The following GPC5 variants were observed in gnomAD, a reference collection of about 807,000 sequenced individuals.
GPC5 encodes glypican-5.
In GPC5, 47 loss-of-function variants were observed where a neutral mutation model predicts 53.9. The ratio of observed to expected loss-of-function variants is 0.87; its 90% confidence interval spans 0.69 to 1.11. GPC5 has a LOEUF of 1.11. GPC5 is among the 50% of genes most tolerant of loss of function. GPC5 has a pLI of 0.00. For missense variants in GPC5, 748 were observed against 713.1 expected (o/e 1.05, Z -0.56); for synonymous variants, 286 against 263.3 (o/e 1.09, Z -0.84).
chr13:91,485,383 T>G (rs1218465055), intron 2 of GPC5, among the ~76,000 whole-genome samples: 1 of 152,084 alleles, frequency 6.6e-6, no homozygotes, highest in African/African-American at 2.4e-5. Flanking sequence ...CAGCTAATTT[T>G]TTTTGTATTT....
At chr13:92,683,698 T>A (rs959854658) in intron 7 of GPC5, among the ~76,000 whole-genome samples, 39 of 152,330 alleles carry the variant, frequency 2.6e-4, no homozygotes, top group African/African-American at 9.1e-4. Flanking sequence ...AATCTCTCAC[T>A]GTGTATTAAT....
In GPC5 at chr13:92,376,977, T is replaced by C. The variant is rs766013489; in HGVS notation, c.1561+231988T>C. On this transcript the variant is annotated intron_variant, in intron 7 of 7. Transcript: ENST00000377067. Reference sequence around the variant, plus strand: ...TTGCAGTGAGCCGACATCGTGCCACTGCACTCCAGCCTGGGTGACCGAGTG... The same window carrying C: ...TTGCAGTGAGCCGACATCGTGCCACCGCACTCCAGCCTGGGTGACCGAGTG... Among the ~76,000 whole-genome samples the C allele has an allele frequency of 1.9e-3, 286 of 151,158 alleles. 2 individuals are homozygous for C. The highest frequency in any genetic ancestry group is 1.7e-3 in the Non-Finnish European group (118 of 67,846).
intron 7 of GPC5, among the ~76,000 whole-genome samples, chr13:92,328,324 T>G (rs1430168913): frequency 6.6e-6 from 1 of 152,060 alleles, no homozygotes; most frequent in Non-Finnish European, 1.5e-5. Context: ...TACAACCAGA[T>G]AGGGAGTTCC....
intron 7 of GPC5, among the ~76,000 whole-genome samples, chr13:92,811,689 CAAG>C (rs1877305263): frequency 6.6e-6 from 1 of 151,836 alleles, no homozygotes; most frequent in South Asian, 2.1e-4. Context: ...AACTCAAATT[CAAG>C]AAGATATTCC....
At chr13:92,164,858 T>C (rs1212058359) in intron 7 of GPC5, among the ~76,000 whole-genome samples, 1 of 152,028 alleles carries the variant, frequency 6.6e-6, no homozygotes, top group African/African-American at 2.4e-5. Context: ...TAGACAGAGG[T>C]TCCCAAACTT....
At chr13:92,664,198 G>A (rs1436180246) in intron 7 of GPC5, among the ~76,000 whole-genome samples, 1 of 151,950 alleles carries the variant, frequency 6.6e-6, no homozygotes, top group East Asian at 1.9e-4. Context: ...TCTGGAGAAT[G>A]AATCATCAGA....
intron 2 of GPC5, among the ~76,000 whole-genome samples, chr13:91,534,855 C>T (rs1283298578): frequency 6.6e-6 from 1 of 152,146 alleles, no homozygotes; most frequent in East Asian, 1.9e-4. Context: ...TTGGCCATTG[C>T]TGTATCTTCT....
intron 2 of GPC5, among the ~76,000 whole-genome samples, chr13:91,533,147 C>T (rs952084808): frequency 6.6e-6 from 1 of 152,030 alleles, no homozygotes; most frequent in African/African-American, 2.4e-5. Context: ...GGTAAGAAAA[C>T]CATGTAGGCA....
chr13:92,547,838 T>A (rs1274862156), intron 7 of GPC5, among the ~76,000 whole-genome samples: 2 of 140,496 alleles, frequency 1.4e-5, no homozygotes, highest in Admixed American at 1.4e-4. Context: ...TTTTTTTTTT[T>A]TTTTTCTTTT....
At chr13:91,494,639 C>T (rs1218267565) in intron 2 of GPC5, among the ~76,000 whole-genome samples, 3 of 152,134 alleles carry the variant, frequency 2.0e-5, no homozygotes, top group Non-Finnish European at 4.4e-5. Flanking sequence ...ATCTCCACAT[C>T]GTTAAATCCA....
At chr13:92,461,056 G>A (rs1167105192) in intron 7 of GPC5, among the ~76,000 whole-genome samples, 1 of 152,006 alleles carries the variant, frequency 6.6e-6, no homozygotes, top group Non-Finnish European at 1.5e-5. Flanking sequence ...ACATGGCTAA[G>A]TCAACATTTT....
At chr13:92,734,275 C>T (rs913516804) in intron 7 of GPC5, among the ~76,000 whole-genome samples, 3 of 151,800 alleles carry the variant, frequency 2.0e-5, no homozygotes, top group Admixed American at 6.6e-5. Context: ...CTCATTCCTG[C>T]GTTAGCCCTG....
chr13:92,448,384 T>A (rs1191818366), intron 7 of GPC5: 1 of 152,144 alleles, frequency 6.6e-6, no homozygotes, highest in East Asian at 1.9e-4. Flanking sequence ...TACAGTGTGC[T>A]TATAAAATGT....
intron 7 of GPC5, among the ~76,000 whole-genome samples, chr13:92,691,556 G>A (rs571318138): frequency 1.2e-4 from 18 of 152,102 alleles, no homozygotes; most frequent in African/African-American, 2.2e-4. Flanking sequence ...GCTGTAGACC[G>A]GAGCTGTTCC....
At chr13:92,007,729 C>T (rs2040620028) in intron 6 of GPC5, among the ~76,000 whole-genome samples, 3 of 152,074 alleles carry the variant, frequency 2.0e-5, no homozygotes, top group African/African-American at 7.2e-5. Flanking sequence ...TATAGTTCTC[C>T]TACTTGCTTT....
At chr13:92,139,807 A>G (rs1386373353) in intron 6 of GPC5, among the ~76,000 whole-genome samples, 1 of 152,152 alleles carries the variant, frequency 6.6e-6, no homozygotes, top group Non-Finnish European at 1.5e-5. Flanking sequence ...GATGATTTTC[A>G]GAGAAGAGAA....
At chr13:92,409,309 TAAAAG>T (rs919615672) in intron 7 of GPC5, among the ~76,000 whole-genome samples, 10 of 151,510 alleles carry the variant, frequency 6.6e-5, no homozygotes, top group Non-Finnish European at 1.2e-4. Context: ...AAAGAACAAT[TAAAAG>T]AAAATATTTT....
chr13:92,720,079 G>C (rs1407621079), intron 7 of GPC5: 2 of 152,096 alleles, frequency 1.3e-5, no homozygotes, highest in Non-Finnish European at 2.9e-5. Flanking sequence ...AGGTGTCCTG[G>C]CTTAATGTTG....
rs184024620 is a variant in GPC5 at position 92,404,076 on chromosome 13, A to G, written c.1561+259087A>G. Among the ~76,000 whole-genome samples the G allele has an allele frequency of 2.8e-3, 432 of 152,342 alleles. 2 individuals are homozygous for G. Among genetic ancestry groups the G allele is most frequent in the African/African-American group, 9.8e-3 (407 of 41,574 alleles). On this transcript the variant is annotated intron_variant, in intron 7 of 7. Coordinates refer to ENST00000377067, the MANE Select transcript of GPC5 (RefSeq NM_004466.6). ...TGCATTATGAACTTGTCCAATATTC[A>G]TAATGTTCTATAATTGCTTTATATT...
Sources: gnomAD v4.1 joint callset for allele counts (sites outside exome capture counted in the v4.1 genomes callset) on GRCh38, gnomAD v4.1.1 for gene constraint, MANE v1.5 for transcripts, NCBI Gene and HGNC (gene_info 2026-07-23, HGNC 2026-07-21) for gene names.